YARS1: variants seen among roughly 807,000 people sequenced by gnomAD.
The protein encoded by YARS1 is tyrosyl-tRNA synthetase 1.
In YARS1, 36 loss-of-function variants were observed where a neutral mutation model predicts 62.2. The ratio of observed to expected loss-of-function variants is 0.58; its 90% CI spans 0.44 to 0.76. The LOEUF (loss-of-function observed/expected upper bound fraction) is 0.76, where lower values mean the gene tolerates loss of function less well. Ranked by LOEUF, YARS1 falls within the 30% of genes least tolerant of loss-of-function variation. The pLI, the probability that YARS1 is intolerant of heterozygous loss-of-function variation, is 0.00. For missense variants in YARS1, 524 were observed against 639.8 expected (o/e 0.82, Z 1.95); for synonymous variants, 234 against 244.9 (o/e 0.96, Z 0.42).
At chr1:32,812,536 G>C (rs1407615655) in intron 1 of YARS1, among the ~76,000 whole-genome samples, 1 of 152,274 alleles carries the variant, frequency 6.6e-6, no homozygotes, top group Middle Eastern at 3.4e-3. Context: ...TCTTGTGGGG[G>C]GAAATTTGCA....
rs1228328357 is a variant in YARS1 at position 32,775,656 on chromosome 1, T to C, written c.*325A>G. The stretch of plus-strand genomic sequence containing the variant: ...CCAAGAAAACCTGGGCACCAGTATT[T>C]TTCCAATTATAAGGACTGTGGCATA... On this transcript the variant is annotated 3_prime_UTR_variant, in exon 13 of 13. Coordinates refer to ENST00000373477, the MANE Select transcript of YARS1 (RefSeq NM_003680.4). The C allele has an allele frequency of 6.2e-6, 2 of 323,164 alleles. No individual in the cohort carries two copies. Among genetic ancestry groups the C allele is most frequent in the East Asian group, 1.2e-4 (2 of 16,646 alleles). 20.0% of individuals were successfully genotyped at this position (323,164 alleles called of 1,614,324 possible).
intron 12 of YARS1, 132 bp downstream of exon 12, chr1:32,779,247 AAAG>A (rs1459222547): frequency 5.6e-5 from 82 of 1,451,480 alleles, no homozygotes; most frequent in Non-Finnish European, 7.3e-5. Context: ...AAAGGTCTGG[AAAG>A]AAGGAGGGAG....
intron 3 of YARS1, 126 bp downstream of exon 3, chr1:32,810,465 A>T: frequency 1.6e-6 from 2 of 1,270,556 alleles, no homozygotes; most frequent in Non-Finnish European, 2.3e-6. Context: ...ACAAAGTTTT[A>T]AATGGTTCTT....
chr1:32,783,233 G>C (rs1431309305), intron 8 of YARS1: 1 of 152,656 alleles, frequency 6.6e-6, no homozygotes, highest in South Asian at 2.1e-4. Context: ...TTAAATCACT[G>C]AATGTGGGTG....
intron 1 of YARS1, chr1:32,811,503 G>C: frequency 3.9e-6 from 1 of 254,152 alleles, no homozygotes; most frequent in Non-Finnish European, 7.8e-6. Flanking sequence ...ACCTTGTGAT[G>C]GATTTAAAGC....
At chr1:32,789,748 C>T (rs931357277) in intron 6 of YARS1, among the ~76,000 whole-genome samples, 2 of 151,006 alleles carry the variant, frequency 1.3e-5, no homozygotes, top group African/African-American at 4.9e-5. Context: ...GCCACCACAC[C>T]CAGCTGAATT....
chr1:32,817,149 C>T, intron 1 of YARS1, 39 bp downstream of exon 1: 1 of 1,613,120 alleles, frequency 6.2e-7, no homozygotes, highest in Non-Finnish European at 8.5e-7. Context: ...CCTCGGGCTC[C>T]TAATCCCCAA....
rs538101961 is a variant in YARS1, at chr1:32,810,105, T to G, written c.380+486A>C. On this transcript the variant is annotated intron_variant, in intron 3 of 12. Transcript: ENST00000373477. ...TGGGCAACAAGAGCAAAACTCCACC[T>G]CAAAAAAAAAAAAAAAGAGTAAGTT... 3.1e-3 allele frequency among the ~76,000 whole-genome samples: 210 copies of G among 68,168 alleles called. 1 individual carries two copies. Among genetic ancestry groups the G allele is most frequent in the African/African-American group, 7.9e-3 (209 of 26,414 alleles). The allele number at this position is 68,168 out of a possible 152,430, so 44.7% of individuals were successfully genotyped here. A position where few individuals can be genotyped will look rare whatever the true frequency, so the allele number is the denominator to read the frequency against.
At chr1:32,787,711 C>T (rs989673582) in intron 6 of YARS1, among the ~76,000 whole-genome samples, 1 of 152,072 alleles carries the variant, frequency 6.6e-6, no homozygotes, top group Non-Finnish European at 1.5e-5. Context: ...GACAGGGTTT[C>T]ACCGTGGTAG....
chr1:32,783,596 AC>A (rs1172522150), intron 8 of YARS1: 2 of 152,200 alleles, frequency 1.3e-5, no homozygotes, highest in Non-Finnish European at 2.9e-5. Flanking sequence ...GGTGTGAGCC[AC>A]CACGCCCAGC....
chr1:32,779,197 G>A (rs966988619), intron 12 of YARS1, among the ~76,000 whole-genome samples, 185 bp downstream of exon 12: 1 of 152,124 alleles, frequency 6.6e-6, no homozygotes, highest in Non-Finnish European at 1.5e-5. Flanking sequence ...GTAATGCAAG[G>A]TCCTAAGACC....
chr1:32,778,539 T>C (rs1652942130), intron 12 of YARS1, among the ~76,000 whole-genome samples: 1 of 151,758 alleles, frequency 6.6e-6, no homozygotes, highest in South Asian at 2.1e-4. Context: ...CCTGAGTAGC[T>C]GGGACTACAG....
chr1:32,793,805 T>G (rs1216988929), intron 5 of YARS1, among the ~76,000 whole-genome samples: 1 of 152,192 alleles, frequency 6.6e-6, no homozygotes, highest in Non-Finnish European at 1.5e-5. Flanking sequence ...CAATGATCCT[T>G]TAAAAGTGCC....
chr1:32,791,186 G>T lies in YARS1; in HGVS notation c.660C>A (p.Gly220=), dbSNP rs752229311. Residue 220 remains glycine (G), a synonymous_variant, in exon 6 of 13, where the codon GGC becomes GGA. Transcript: ENST00000373477. ...LMNPMVPGLT[G]SKMSSSEEES... is the part of the protein sequence containing the mutation. ...CCTCTTCTGAAGAGCTCATTTTGCTGCCTGTTAATCCTGGAACCATAGGAT... is the reference window on the plus strand; with the variant it reads ...CCTCTTCTGAAGAGCTCATTTTGCTTCCTGTTAATCCTGGAACCATAGGAT... 1 of 1,614,060 alleles carries T rather than the reference G, an allele frequency of 6.2e-7. No homozygotes were observed. The highest frequency in any genetic ancestry group is 2.2e-5 in the East Asian group (1 of 44,864).
At chr1:32,788,302 G>A (rs1378085137) in intron 6 of YARS1, among the ~76,000 whole-genome samples, 3 of 152,180 alleles carry the variant, frequency 2.0e-5, no homozygotes, top group Admixed American at 2.0e-4. Context: ...TCAGGATGGA[G>A]TACAGTGGTG....
chr1:32,786,223 G>C, intron 8 of YARS1, 139 bp downstream of exon 8: 1 of 839,974 alleles, frequency 1.2e-6, no homozygotes, highest in Non-Finnish European at 2.0e-6. Flanking sequence ...GGACACTAGT[G>C]AGATTACCAA....
intron 6 of YARS1, among the ~76,000 whole-genome samples, chr1:32,787,635 G>A (rs907189497): frequency 2.6e-5 from 4 of 151,430 alleles, no homozygotes; most frequent in Non-Finnish European, 5.9e-5. Context: ...TCAGCCTCCC[G>A]AATAGCTGGG....
chr1:32,803,861 G>A (rs1415342054), intron 4 of YARS1, among the ~76,000 whole-genome samples: 5 of 151,588 alleles, frequency 3.3e-5, no homozygotes, highest in East Asian at 2.0e-4. Context: ...AAGGGTCTCT[G>A]GTTTTCCTAG....
Position 32,775,608 on chromosome 1 carries a change from G to C in YARS1, c.*373C>G. On this transcript the variant is annotated 3_prime_UTR_variant, in exon 13 of 13. Transcript: ENST00000373477. Reference sequence around the variant, plus strand: ...TAGTCCAGGTACCAGATCCCAGCTAGGGGCGCAGCTGCTTGGATAACTCCA... The same window carrying C: ...TAGTCCAGGTACCAGATCCCAGCTACGGGCGCAGCTGCTTGGATAACTCCA... 1 of 242,506 alleles carries C rather than the reference G, an allele frequency of 4.1e-6. No homozygotes were observed. The highest frequency in any genetic ancestry group is 4.9e-5 in the Admixed American group (1 of 20,212). 15.0% of individuals were successfully genotyped at this position (242,506 alleles called of 1,614,324 possible).
Sources: gnomAD v4.1 joint callset for allele counts (sites outside exome capture counted in the v4.1 genomes callset) on GRCh38, gnomAD v4.1.1 for gene constraint, MANE v1.5 for transcripts, NCBI Gene and HGNC (gene_info 2026-07-23, HGNC 2026-07-21) for gene names.